The following TEX264 variants were observed in gnomAD, a reference collection of about 807,000 sequenced individuals.
The protein encoded by TEX264 is testis-expressed protein 264.
A neutral mutation model predicts 23.4 loss-of-function variants in TEX264; 13 were observed. That is an observed-to-expected ratio of 0.56 (90% CI 0.36 to 0.88). The LOEUF (loss-of-function observed/expected upper bound fraction) is 0.88, where lower values mean the gene tolerates loss of function less well. Among genes scored for constraint, TEX264 ranks in the 40% least tolerant of loss-of-function variants. The pLI is 0.01. For missense variants in TEX264, 340 were observed against 406.8 expected, an observed-to-expected ratio of 0.84 and a Z score of 1.41; for synonymous variants, 159 against 170.0, an observed-to-expected ratio of 0.94 and a Z score of 0.50.
intron 2 of TEX264, among the ~76,000 whole-genome samples, chr3:51,675,162 G>T (rs1178828961): frequency 6.6e-6 from 1 of 152,202 alleles, no homozygotes; most frequent in Non-Finnish European, 1.5e-5. Context: ...GGAGCCAGAT[G>T]AGTTACTTAG....
At chr3:51,689,336 A>G (rs528498531) in intron 3 of TEX264, among the ~76,000 whole-genome samples, 168 of 152,150 alleles carry the variant, frequency 1.1e-3, no homozygotes, top group African/African-American at 4.0e-3. Context: ...AGGCTGAGAC[A>G]GGAGAATTGC....
Position 51,691,518 on chromosome 3 carries a change from C to T in TEX264, c.480+6884C>T, listed in dbSNP as rs115400355. 0.043 allele frequency among the ~76,000 whole-genome samples: 6,522 copies of T among 152,242 alleles called. 173 individuals carry two copies. The highest frequency in any genetic ancestry group is 0.067 in the Non-Finnish European group (4,554 of 68,008). ...TGGGAAAGGCAAAACAACCCTTGTG[C>T]GGTGGTGGCATTTGGGCTGCACCTA... is the stretch of plus-strand genomic sequence containing the variant. On this transcript the variant is annotated intron_variant, in intron 3 of 4. Coordinates refer to ENST00000341333, the MANE Select transcript of TEX264 (RefSeq NM_015926.6). This position sits in a 1 kb window ranked among gnomAD's most constrained non-coding sequence, Gnocchi z 4.4.
intron 4 of TEX264, among the ~76,000 whole-genome samples, chr3:51,701,413 C>G (rs533455285): frequency 6.6e-6 from 1 of 151,686 alleles, no homozygotes; most frequent in South Asian, 2.1e-4. Flanking sequence ...TAACCTTTCC[C>G]TCCCAGGCTT....
intron 2 of TEX264, among the ~76,000 whole-genome samples, chr3:51,680,660 AC>A (rs1437495896): frequency 6.6e-6 from 1 of 152,138 alleles, no homozygotes; most frequent in Non-Finnish European, 1.5e-5. Context: ...CCTTGTAGGT[AC>A]TAGTTCTGGT....
chr3:51,676,876 A>C (rs1057142107), intron 2 of TEX264, among the ~76,000 whole-genome samples: 3 of 152,212 alleles, frequency 2.0e-5, no homozygotes, highest in African/African-American at 7.2e-5. Context: ...TGAACAAGTC[A>C]AGGTGGCCCT....
In TEX264 at chr3:51,699,552, T is replaced by G. The variant is rs747356480; in HGVS notation, c.627T>G (p.Ile209Met). The change falls in exon 4 of 5, where the codon ATT (isoleucine) becomes ATG (methionine). Residue 209 changes from isoleucine (I) to methionine (M), a missense_variant. Coordinates refer to ENST00000341333, the MANE Select transcript of TEX264 (RefSeq NM_015926.6). ...EWKWRGLVEA[I>M]DTQVDGTGAD... ...AATGGCGGGGGCTTGTGGAGGCCAT[T>G]GACACCCAGGTGGATGGCACAGGTA... is the stretch of plus-strand genomic sequence containing the variant. 3.1e-6 allele frequency: 5 copies of G among 1,614,000 alleles called. No individual in the cohort carries two copies. The South Asian group carries it at 5.5e-5, about 18-fold the overall frequency.
Position 51,686,120 on chromosome 3 carries a change from T to C in TEX264, c.480+1486T>C, listed in dbSNP as rs1702612006. 6.6e-6 allele frequency among the ~76,000 whole-genome samples: 1 copy of C among 152,112 alleles called. No individual in the cohort carries two copies. The highest frequency in any genetic ancestry group is 2.4e-5 in the African/African-American group (1 of 41,406). On this transcript the variant is annotated intron_variant, in intron 3 of 4. Transcript: ENST00000341333. This position sits in a 1 kb window ranked among gnomAD's most constrained non-coding sequence, Gnocchi z 4.1. ...GGGGGGTGTGGAGTCAGCAATGGTA[T>C]GTGTGGCCTGGAGTTGAGGAAAGGC...
rs1052002883 is a variant in TEX264 at position 51,686,877 on chromosome 3, G to C, written c.480+2243G>C. ...TTCTTGGGTTCCAGACCTCAGAACA[G>C]GACATGTGGCATGTGGTGTGGTGGT... On this transcript the variant is annotated intron_variant, in intron 3 of 4. Coordinates refer to ENST00000341333, the MANE Select transcript of TEX264 (RefSeq NM_015926.6). This position sits in a 1 kb window ranked among gnomAD's most constrained non-coding sequence, Gnocchi z 4.1. 1.3e-5 allele frequency among the ~76,000 whole-genome samples: 2 copies of C among 152,220 alleles called. No homozygotes were observed. The highest frequency in any genetic ancestry group is 2.9e-5 in the Non-Finnish European group (2 of 68,048).
chr3:51,694,073 T>TTCCG (rs1559680754), intron 3 of TEX264, among the ~76,000 whole-genome samples: 4 of 113,886 alleles, frequency 3.5e-5, no homozygotes, highest in Admixed American at 8.8e-5. Flanking sequence ...TCCCTTCCCC[T>TTCCG]TCCTTCCGTC....
intron 3 of TEX264, among the ~76,000 whole-genome samples, chr3:51,692,013 C>CCCT (rs1702846363): frequency 6.6e-6 from 1 of 152,218 alleles, no homozygotes; most frequent in Non-Finnish European, 1.5e-5. Context: ...TCCTTAGCCT[C>CCCT]TCTGGCTTTA....
intron 3 of TEX264, 40 bp from the exon 4 acceptor site, chr3:51,699,366 C>T: frequency 6.2e-7 from 1 of 1,604,704 alleles, no homozygotes. Context: ...AGTCAGGGGC[C>T]CTGTAGGGCT....
At chr3:51,675,002 T>C (rs1369042118) in intron 2 of TEX264, among the ~76,000 whole-genome samples, 2 of 152,234 alleles carry the variant, frequency 1.3e-5, no homozygotes, top group African/African-American at 2.4e-5. Flanking sequence ...TCTTCTGCCA[T>C]AGTTGTAGGC....
intron 2 of TEX264, among the ~76,000 whole-genome samples, chr3:51,676,735 C>T (rs1312476468): frequency 6.6e-6 from 1 of 152,240 alleles, no homozygotes; most frequent in African/African-American, 2.4e-5. Context: ...CAGCACTTAG[C>T]CCTCAACAGA....
chr3:51,689,595 C>G (rs189204217), intron 3 of TEX264, among the ~76,000 whole-genome samples: 1 of 152,266 alleles, frequency 6.6e-6, no homozygotes, highest in Admixed American at 6.5e-5. Flanking sequence ...AGACCCTTTC[C>G]TGCTTCACCT....
At chr3:51,700,261 GC>G (rs2107039665) in intron 4 of TEX264, among the ~76,000 whole-genome samples, 1 of 152,284 alleles carries the variant, frequency 6.6e-6, no homozygotes, top group African/African-American at 2.4e-5. Flanking sequence ...GTCCCAGGGG[GC>G]CTTATCCTTG....
intron 3 of TEX264, among the ~76,000 whole-genome samples, chr3:51,685,404 G>A (rs1426651236): frequency 6.6e-6 from 1 of 152,216 alleles, no homozygotes; most frequent in Non-Finnish European, 1.5e-5. Flanking sequence ...TGAAACGTTG[G>A]TGCATGAAAC....
rs1046513388 is a variant in TEX264 at position 51,686,681 on chromosome 3, G to A, written c.480+2047G>A. On this transcript the variant is annotated intron_variant, in intron 3 of 4. Transcript: ENST00000341333. This position sits in a 1 kb window ranked among gnomAD's most constrained non-coding sequence, Gnocchi z 4.1. ...CTGCGGTTGGACTGGAGGTGGGGGC[G>A]GGCTGGCTGGTGGTGTGGGCAGGAA... Among the ~76,000 whole-genome samples the A allele has an allele frequency of 3.3e-5, 5 of 152,092 alleles. No homozygotes were observed. Among genetic ancestry groups the A allele is most frequent in the East Asian group, 3.9e-4 (2 of 5,158 alleles).
chr3:51,674,256 C>A lies in TEX264; in HGVS notation c.-34-15C>A. The A allele has an allele frequency of 6.2e-7, 1 of 1,609,326 alleles. No individual in the cohort carries two copies. Among genetic ancestry groups the A allele is most frequent in the South Asian group, 1.1e-5 (1 of 90,864 alleles). On this transcript the variant is annotated splice_polypyrimidine_tract_variant and intron_variant, in intron 1 of 4. Transcript: ENST00000341333. ...GTAGGCTACCAGCCTCCTCTCCCTTCTTTCTCCTTTGCAGCTGCCTTGAGG... is the reference window on the plus strand; with the variant it reads ...GTAGGCTACCAGCCTCCTCTCCCTTATTTCTCCTTTGCAGCTGCCTTGAGG...
intron 3 of TEX264, among the ~76,000 whole-genome samples, chr3:51,697,174 C>T (rs1028862024): frequency 6.6e-6 from 1 of 152,242 alleles, no homozygotes; most frequent in Admixed American, 6.5e-5. Context: ...CCGGGCTCTC[C>T]GGAGGAAGCA....
Sources: gnomAD v4.1 joint callset for allele counts (sites outside exome capture counted in the v4.1 genomes callset) on GRCh38, gnomAD v4.1.1 for gene constraint, Gnocchi (gnomAD v3.1) non-coding constraint, MANE v1.5 for transcripts, NCBI Gene and HGNC (gene_info 2026-07-23, HGNC 2026-07-21) for gene names.